Variants in ITPRIP observed in about 807,000 individuals in gnomAD.
The protein encoded by ITPRIP is inositol 1,4,5-trisphosphate receptor-interacting protein.
In ITPRIP, 32 loss-of-function variants were observed where a neutral mutation model predicts 35.8. That is an observed-to-expected ratio of 0.89 (90% confidence interval 0.68 to 1.20). The LOEUF (loss-of-function observed/expected upper bound fraction) is 1.20, where lower values mean the gene tolerates loss of function less well. Ranked by LOEUF, ITPRIP falls within the 50% of genes most tolerant of loss-of-function variation. The pLI is 0.00. For synonymous variants in ITPRIP, 358 were observed against 324.0 expected (o/e 1.11, Z -1.13); for missense variants, 653 against 735.6 (o/e 0.89, Z 1.30).
At position 104,315,816 on chromosome 10, in the gene ITPRIP, T is replaced by C; in HGVS notation, c.236A>G (p.Gln79Arg). 1 of 1,613,384 alleles carries C rather than the reference T, an allele frequency of 6.2e-7. No homozygotes were observed. Among genetic ancestry groups the C allele is most frequent in the Non-Finnish European group, 8.5e-7 (1 of 1,179,530 alleles). ...GTCCCAGGCCACGCGTGTCTCGTTC[T>C]GCTGCCTGCCCTCCTCCGCCACCTG... ...LEQVAEEGRQ[Q>R]NETRVAWDLW... Residue 79 changes from glutamine (Q) to arginine (R), a missense_variant, in exon 2 of 2, where the codon CAG becomes CGG. Physicochemically the swap from Gln to Arg is conservative, Grantham distance 43. Coordinates refer to ENST00000337478, the MANE Select transcript of ITPRIP (RefSeq NM_001272013.2). The surrounding 1 kb of genome is among the most constrained non-coding windows in gnomAD (Gnocchi z 5.7).
Position 104,311,193 on chromosome 10 carries a change from C to A in ITPRIP, c.*3215G>T, listed in dbSNP as rs797016191. ...ACGGCACTAGCGTGAATGTGGGTGC[C>A]CTCATGAGAAGCTTGTGGTGTAGCT... is the stretch of plus-strand genomic sequence containing the variant. On this transcript the variant is annotated 3_prime_UTR_variant, in exon 2 of 2. Coordinates refer to ENST00000337478, the MANE Select transcript of ITPRIP (RefSeq NM_001272013.2). 6.6e-6 allele frequency: 1 copy of A among 152,182 alleles called. No individual in the cohort carries two copies. Among genetic ancestry groups the A allele is most frequent in the Non-Finnish European group, 1.5e-5 (1 of 68,052 alleles). 9.4% of individuals were successfully genotyped at this position (152,182 alleles called of 1,614,324 possible). A position where few individuals can be genotyped will look rare whatever the true frequency, so the allele number is the denominator to read the frequency against.
intron 1 of ITPRIP, among the ~76,000 whole-genome samples, chr10:104,317,479 C>T (rs1290238591): frequency 2.0e-5 from 3 of 152,216 alleles, no homozygotes; most frequent in African/African-American, 7.2e-5. Flanking sequence ...CTGAGAGGCA[C>T]TGTCTTACGC....
rs371283440 is a variant in ITPRIP, at chr10:104,314,607, C to A, written c.1445G>T (p.Arg482Leu). 4 of 1,614,130 alleles carry A rather than the reference C, an allele frequency of 2.5e-6. No homozygotes were observed. The highest frequency in any genetic ancestry group is 2.2e-5 in the East Asian group (1 of 44,874). Residue 482 changes from arginine (R) to leucine (L), a missense_variant, in exon 2 of 2, where the codon CGC becomes CTC. Arg to Leu is a moderately radical substitution (Grantham distance 102). Transcript: ENST00000337478. Reference protein sequence around the residue: ...KKLHHFFIGNRKVPEAMGLPE... With the variant: ...KKLHHFFIGNLKVPEAMGLPE... ...GAGTCCCATGGCCTCAGGCACCTTG[C>A]GGTTGCCGATGAAGAAGTGGTGGAG...
chr10:104,312,113 A>G lies in ITPRIP; in HGVS notation c.*2295T>C, dbSNP rs2013502723. 6.6e-6 allele frequency: 1 copy of G among 152,230 alleles called. No individual in the cohort carries two copies. Among genetic ancestry groups the G allele is most frequent in the Admixed American group, 6.5e-5 (1 of 15,282 alleles). 9.4% of individuals were successfully genotyped at this position (152,230 alleles called of 1,614,324 possible). On this transcript the variant is annotated 3_prime_UTR_variant, in exon 2 of 2. Transcript: ENST00000337478. ...GGAGCCTCACAGATTTCCTGAAGTTAAAAACAAACAGTGACCATTTCTACT... is the reference window on the plus strand; with the variant it reads ...GGAGCCTCACAGATTTCCTGAAGTTGAAAACAAACAGTGACCATTTCTACT...
intron 1 of ITPRIP, among the ~76,000 whole-genome samples, chr10:104,318,145 T>C (rs1189514419): frequency 6.6e-6 from 1 of 152,134 alleles, no homozygotes; most frequent in Admixed American, 6.5e-5. Context: ...CGAGCCAGCT[T>C]TCCTTCCCCA....
intron 1 of ITPRIP, among the ~76,000 whole-genome samples, chr10:104,316,648 C>T (rs376769894): frequency 2.6e-5 from 4 of 152,172 alleles, no homozygotes; most frequent in Non-Finnish European, 4.4e-5. Context: ...AGAACCCCCC[C>T]TCCCCACACT....
chr10:104,312,431 G>A lies in ITPRIP; in HGVS notation c.*1977C>T, dbSNP rs1213952117. ...AAAACGGGATCAGGATGAAGAGGGG[G>A]AAAGGCATGGGCCATAAATAAATAA... On this transcript the variant is annotated 3_prime_UTR_variant, in exon 2 of 2. Transcript: ENST00000337478. 2 of 185,292 alleles carry A rather than the reference G, an allele frequency of 1.1e-5. No homozygotes were observed. Among genetic ancestry groups the A allele is most frequent in the Non-Finnish European group, 2.0e-5 (2 of 97,878 alleles). 11.5% of individuals were successfully genotyped at this position (185,292 alleles called of 1,614,324 possible).
rs772268877 is a variant in ITPRIP at position 104,314,990 on chromosome 10, A to G, written c.1062T>C (p.Cys354=). The G allele has an allele frequency of 6.2e-7, 1 of 1,614,080 alleles. No homozygotes were observed. The highest frequency in any genetic ancestry group is 8.5e-7 in the Non-Finnish European group (1 of 1,180,030). The change falls in exon 2 of 2, where the codon TGT becomes TGC. Residue 354 remains cysteine, a synonymous_variant. Transcript: ENST00000337478. ...MPFNLIPVIQ[C]DDSDLYFVSH... is the part of the protein sequence containing the mutation. The stretch of plus-strand genomic sequence containing the variant: ...AGACAAAGTACAGGTCCGAGTCATC[A>G]CACTGGATCACAGGAATCAGGTTGA...
At chr10:104,318,226 C>T (rs1419580884) in intron 1 of ITPRIP, among the ~76,000 whole-genome samples, 15 of 152,172 alleles carry the variant, frequency 9.9e-5, no homozygotes, top group Admixed American at 5.2e-4. Flanking sequence ...GAAACATCAA[C>T]GGAAAGTTTT....
intron 1 of ITPRIP, among the ~76,000 whole-genome samples, chr10:104,327,880 G>A (rs549830950): frequency 1.3e-5 from 2 of 152,344 alleles, no homozygotes; most frequent in African/African-American, 4.8e-5. Flanking sequence ...CTGGCTCCAG[G>A]CCCCGTGTCG....
intron 1 of ITPRIP, 137 bp from the exon 2 acceptor site, chr10:104,316,201 G>A: frequency 1.4e-6 from 1 of 723,854 alleles, no homozygotes; most frequent in Non-Finnish European, 2.2e-6. Context: ...GCTCCCTGCG[G>A]CTGCCTCAGG....
rs1403849557 is a variant in ITPRIP, at chr10:104,314,349, G to T, written c.*59C>A. 2.6e-6 allele frequency: 4 copies of T among 1,551,072 alleles called. No individual in the cohort carries two copies. In the African/African-American group the frequency reaches 5.5e-5, roughly 21 times the overall value. ...ACAGGGCTGGCAGATGCCACCAGGG[G>T]TGTGAACGTGAGGGATGCCCTCATC... On this transcript the variant is annotated 3_prime_UTR_variant, in exon 2 of 2. Coordinates refer to ENST00000337478, the MANE Select transcript of ITPRIP (RefSeq NM_001272013.2).
rs113083707 is a variant in ITPRIP, at chr10:104,332,940, C to T, written c.-14+5306G>A. ...ATGTGCATTTCATCATAACGCTCCA[C>T]GAGGCCGCTGAATCCCTGGCACAGG... On this transcript the variant is annotated intron_variant, in intron 1 of 1. Coordinates refer to ENST00000337478, the MANE Select transcript of ITPRIP (RefSeq NM_001272013.2). Among the ~76,000 whole-genome samples the T allele has an allele frequency of 8.3e-4, 127 of 152,360 alleles. 1 individual carries two copies. The highest frequency in any genetic ancestry group is 2.5e-3 in the African/African-American group (105 of 41,586).
intron 1 of ITPRIP, among the ~76,000 whole-genome samples, chr10:104,321,975 CT>C (rs905167870): frequency 4.6e-5 from 7 of 152,286 alleles, no homozygotes; most frequent in Middle Eastern, 3.4e-3. Flanking sequence ...GGCCTGACCC[CT>C]GGTAGCAAAA....
Position 104,314,912 on chromosome 10 carries a change from C to T in ITPRIP, c.1140G>A (p.Trp380Ter). 1 of 1,613,718 alleles carries T rather than the reference C, an allele frequency of 6.2e-7. No individual in the cohort carries two copies. Among genetic ancestry groups the T allele is most frequent in the Non-Finnish European group, 8.5e-7 (1 of 1,180,018 alleles). ...GCTCATAGACAGCAAAGGACAGGAG[C>T]CAGTCTGTGCTGGAGGCTGGGGTGC... ...SEGTPASSTDWLLSFAVYERH... is the reference protein window; with the variant it reads ...SEGTPASSTD The change falls in exon 2 of 2, where the codon TGG becomes TGA. Residue 380 changes from tryptophan to a stop codon, truncating the protein, a stop_gained. Coordinates refer to ENST00000337478, the MANE Select transcript of ITPRIP (RefSeq NM_001272013.2). LOFTEE classifies it high-confidence loss of function.
rs201344310 is a variant in ITPRIP, at chr10:104,315,184, T to G, written c.868A>C (p.Thr290Pro). The G allele has an allele frequency of 1.8e-5, 29 of 1,614,126 alleles. No individual in the cohort carries two copies. The East Asian group carries it at 6.2e-4, about 35-fold the overall frequency. Residue 290 changes from threonine to proline, a missense_variant, in exon 2 of 2, where the codon ACA (threonine) becomes CCA (proline). Physicochemically the swap from Thr to Pro is conservative, Grantham distance 38 (BLOSUM62 -1). Transcript: ENST00000337478. This position sits in a 1 kb window ranked among gnomAD's most constrained non-coding sequence, Gnocchi z 5.7. ...CGDMENLLCA[T>P]DSLYLDTMQV... ...ATCGTGTCCAGGTACAGGGAATCTG[T>G]GGCACACAGCAGGTTCTCCATGTCG...
At position 104,315,332 on chromosome 10, in the gene ITPRIP, G is replaced by A. The variant is rs551319968; in HGVS notation, c.720C>T (p.Tyr240=). ...GRSVPLDRQG[Y]GQIKVVRADG... Reference sequence around the variant, plus strand: ...CGGCGCGGACCACCTTGATCTGGCCGTAGCCCTGGCGATCCAGGGGCACTG... The same window carrying A: ...CGGCGCGGACCACCTTGATCTGGCCATAGCCCTGGCGATCCAGGGGCACTG... Residue 240 remains tyrosine, a synonymous_variant, in exon 2 of 2, where the codon TAC becomes TAT. Coordinates refer to ENST00000337478, the MANE Select transcript of ITPRIP (RefSeq NM_001272013.2). This position sits in a 1 kb window ranked among gnomAD's most constrained non-coding sequence, Gnocchi z 5.7. 1.2e-4 allele frequency: 189 copies of A among 1,565,692 alleles called. 1 individual carries two copies. The South Asian group carries it at 2.0e-3, about 17-fold the overall frequency.
At position 104,312,528 on chromosome 10, in the gene ITPRIP, G is replaced by T; in HGVS notation, c.*1880C>A. ...GTCAGGCTGTGAGGGATTGGGGGTA[G>T]CTCCAGGCTGCTGTTAGGGACACAC... On this transcript the variant is annotated 3_prime_UTR_variant, in exon 2 of 2. Coordinates refer to ENST00000337478, the MANE Select transcript of ITPRIP (RefSeq NM_001272013.2). 2 of 656,590 alleles carry T rather than the reference G, an allele frequency of 3.0e-6. No homozygotes were observed. Among genetic ancestry groups the T allele is most frequent in the Non-Finnish European group, 3.8e-6 (2 of 529,346 alleles). 40.7% of individuals were successfully genotyped at this position (656,590 alleles called of 1,614,324 possible).
chr10:104,319,516 G>A (rs1328409949), intron 1 of ITPRIP, among the ~76,000 whole-genome samples: 6 of 152,132 alleles, frequency 3.9e-5, no homozygotes, highest in Non-Finnish European at 8.8e-5. Flanking sequence ...TGCAGGTCAG[G>A]GGTTCCCTCT....
Sources: gnomAD v4.1 joint callset for allele counts (sites outside exome capture counted in the v4.1 genomes callset) on GRCh38, gnomAD v4.1.1 for gene constraint, Gnocchi (gnomAD v3.1) non-coding constraint, MANE v1.5 for transcripts, NCBI Gene and HGNC (gene_info 2026-07-23, HGNC 2026-07-21) for gene names.